Variants in SGK3 observed in about 807,000 individuals in gnomAD.
The protein encoded by SGK3 is serum/glucocorticoid regulated kinase family member 3, also known as serine/threonine-protein kinase Sgk3.
Under a neutral mutation model 68.5 loss-of-function variants are expected in SGK3, and 47 were observed. The observed-to-expected ratio is 0.69, with a 90% CI of 0.54 to 0.87. The LOEUF is 0.87. SGK3 is among the 40% of genes least tolerant of loss of function. The pLI is 0.00. For synonymous variants in SGK3, 181 were observed against 189.1 expected (o/e 0.96, Z 0.35); for missense variants, 479 against 575.5 (o/e 0.83, Z 1.72).
At chr8:66,758,345 C>T (rs1255287745) in intron 1 of SGK3, among the ~76,000 whole-genome samples, 1 of 152,012 alleles carries the variant, frequency 6.6e-6, no homozygotes, top group East Asian at 1.9e-4. Context: ...CAGAGTGAGA[C>T]TCTGTCTCAA....
At chr8:66,827,571 A>G (rs1041372400) in intron 6 of SGK3, among the ~76,000 whole-genome samples, 1 of 152,146 alleles carries the variant, frequency 6.6e-6, no homozygotes, top group Non-Finnish European at 1.5e-5. Context: ...AAGTTCATTT[A>G]TGTGAAGCAG....
Position 66,718,799 on chromosome 8 carries a change from A to C in SGK3, c.-122+5966A>C, listed in dbSNP as rs568843306. 2.0e-5 allele frequency among the ~76,000 whole-genome samples: 3 copies of C among 152,282 alleles called. No individual in the cohort carries two copies. In the East Asian group the frequency reaches 5.8e-4, roughly 29 times the overall value. ...CACCTCAGCTTCCCAAAGTGCTGGAATTACAGGTGTGTGCCACCGTGCCCG... is the reference window on the plus strand; with the variant it reads ...CACCTCAGCTTCCCAAAGTGCTGGACTTACAGGTGTGTGCCACCGTGCCCG... On this transcript the variant is annotated intron_variant, in intron 1 of 16. Coordinates refer to ENST00000521198, the MANE Select transcript of SGK3 (RefSeq NM_001033578.3).
intron 8 of SGK3, among the ~76,000 whole-genome samples, chr8:66,833,154 C>T (rs528538849): frequency 3.9e-5 from 6 of 152,092 alleles, no homozygotes; most frequent in South Asian, 2.1e-4. Context: ...TTCAGGCACA[C>T]GCCACCGTGT....
intron 4 of SGK3, among the ~76,000 whole-genome samples, chr8:66,808,199 C>T (rs1397687942): frequency 2.0e-5 from 3 of 152,098 alleles, no homozygotes; most frequent in African/African-American, 7.2e-5. Flanking sequence ...GAACCATGTA[C>T]TATTTTAAAC....
At chr8:66,801,916 A>T (rs896311961) in intron 3 of SGK3, among the ~76,000 whole-genome samples, 2 of 152,218 alleles carry the variant, frequency 1.3e-5, no homozygotes, top group Admixed American at 1.3e-4. Context: ...ATATTTGAGT[A>T]TCTGTAAGCA....
At position 66,843,449 on chromosome 8, in the gene SGK3, T is replaced by C; in HGVS notation, c.979-3T>C. On this transcript the variant is annotated splice_polypyrimidine_tract_variant and splice_region_variant and intron_variant, in intron 13 of 16. Coordinates refer to ENST00000521198, the MANE Select transcript of SGK3 (RefSeq NM_001033578.3). ...TGCTCTAATATTTTATTGTTTTCTA[T>C]AGTATCTTGCACCTGAAGTAATTAG... is the stretch of plus-strand genomic sequence containing the variant. 1 of 1,611,648 alleles carries C rather than the reference T, an allele frequency of 6.2e-7. No individual in the cohort carries two copies. The highest frequency in any genetic ancestry group is 8.5e-7 in the Non-Finnish European group (1 of 1,179,028).
At chr8:66,752,845 C>G (rs898495063) in intron 1 of SGK3, among the ~76,000 whole-genome samples, 1 of 151,826 alleles carries the variant, frequency 6.6e-6, no homozygotes, top group Non-Finnish European at 1.5e-5. Context: ...AGTGGGAAGT[C>G]ACAGGTTTCT....
chr8:66,798,454 A>AG, intron 2 of SGK3, 88 bp from the exon 3 acceptor site: 1 of 1,291,884 alleles, frequency 7.7e-7, no homozygotes. Flanking sequence ...AAAAAAAAAA[A>AG]AATTAAAACA....
intron 10 of SGK3, 23 bp from the exon 11 acceptor site, chr8:66,839,980 C>A (rs184129343): frequency 5.2e-5 from 83 of 1,604,356 alleles, no homozygotes; most frequent in East Asian, 8.9e-5. Flanking sequence ...TCTCTCCCCC[C>A]ACCCCCACAA....
At chr8:66,789,137 A>AC (rs397694159) in intron 1 of SGK3, among the ~76,000 whole-genome samples, 1 of 152,024 alleles carries the variant, frequency 6.6e-6, no homozygotes, top group African/African-American at 2.4e-5. Flanking sequence ...AAAAAAAAAA[A>AC]CACTACATTT....
At chr8:66,811,732 C>A (rs1808389385) in intron 4 of SGK3, among the ~76,000 whole-genome samples, 1 of 152,186 alleles carries the variant, frequency 6.6e-6, no homozygotes, top group South Asian at 2.1e-4. Flanking sequence ...CAGTAAGCAT[C>A]CACAGAACAA....
At chr8:66,845,993 T>G (rs1023772053) in intron 14 of SGK3, among the ~76,000 whole-genome samples, 2 of 152,084 alleles carry the variant, frequency 1.3e-5, no homozygotes, top group African/African-American at 2.4e-5. Context: ...TCATCTTATT[T>G]TATAAAAATA....
In SGK3 at chr8:66,738,686, G is replaced by A. The variant is rs534665365; in HGVS notation, c.-122+25853G>A. 2.0e-5 allele frequency among the ~76,000 whole-genome samples: 3 copies of A among 151,632 alleles called. No individual in the cohort carries two copies. The South Asian group carries it at 6.2e-4, about 31-fold the overall frequency. ...TCTGTCACCCAAGCTGGAGTTCAGTGGTGTGATCTCAGCTCACTGCAAGCT... is the reference window on the plus strand; with the variant it reads ...TCTGTCACCCAAGCTGGAGTTCAGTAGTGTGATCTCAGCTCACTGCAAGCT... On this transcript the variant is annotated intron_variant, in intron 1 of 16. Transcript: ENST00000521198.
rs1271841223 is a variant in SGK3, at chr8:66,715,734, A to G, written c.-122+2901A>G. Among the ~76,000 whole-genome samples the G allele has an allele frequency of 2.0e-5, 3 of 152,258 alleles. No individual in the cohort carries two copies. In the East Asian group the frequency reaches 5.8e-4, roughly 29 times the overall value. On this transcript the variant is annotated intron_variant, in intron 1 of 16. Coordinates refer to ENST00000521198, the MANE Select transcript of SGK3 (RefSeq NM_001033578.3). ...CCTCAACTATTTATATGCTTTAAGTATAGCCCTTGGTACCTAAAGTATGTG... is the reference window on the plus strand; with the variant it reads ...CCTCAACTATTTATATGCTTTAAGTGTAGCCCTTGGTACCTAAAGTATGTG...
In SGK3 at chr8:66,793,822, A is replaced by G; in HGVS notation, c.86A>G (p.Lys29Arg). 6.2e-7 allele frequency: 1 copy of G among 1,612,552 alleles called. No individual in the cohort carries two copies. Among genetic ancestry groups the G allele is most frequent in the Non-Finnish European group, 8.5e-7 (1 of 1,179,002 alleles). The change falls in exon 2 of 17, where the codon AAG (lysine) becomes AGG (arginine). Residue 29 changes from lysine to arginine, a missense_variant. Coordinates refer to ENST00000521198, the MANE Select transcript of SGK3 (RefSeq NM_001033578.3). ...TCCGATGAACACAGAGAGAAAAAGAAGAGGTTTACTGTAAGTATTTAACAT... is the reference window on the plus strand; with the variant it reads ...TCCGATGAACACAGAGAGAAAAAGAGGAGGTTTACTGTAAGTATTTAACAT... Reference protein sequence around the residue: ...PSSDEHREKKKRFTVYKVLVS... With the variant: ...PSSDEHREKKRRFTVYKVLVS...
At chr8:66,715,695 A>G (rs964474076) in intron 1 of SGK3, among the ~76,000 whole-genome samples, 11 of 152,372 alleles carry the variant, frequency 7.2e-5, no homozygotes, top group African/African-American at 2.6e-4. Flanking sequence ...GTCTTTAAAA[A>G]CACACACAAA....
chr8:66,846,845 T>A (rs1383603165), intron 14 of SGK3, among the ~76,000 whole-genome samples: 1 of 152,244 alleles, frequency 6.6e-6, no homozygotes, highest in Non-Finnish European at 1.5e-5. Context: ...TAATGTTTGA[T>A]CTGTCTTGAA....
chr8:66,733,043 C>T (rs1308807574), intron 1 of SGK3, among the ~76,000 whole-genome samples: 1 of 152,106 alleles, frequency 6.6e-6, no homozygotes, highest in African/African-American at 2.4e-5. Context: ...AGGAAAAATT[C>T]TACGAAGTGT....
intron 7 of SGK3, among the ~76,000 whole-genome samples, chr8:66,829,828 G>T (rs1809227034): frequency 1.3e-5 from 2 of 149,364 alleles, no homozygotes; most frequent in Non-Finnish European, 3.0e-5. Flanking sequence ...CTTTTCTGTT[G>T]TTCATAGCAT....
Sources: gnomAD v4.1 joint callset for allele counts (sites outside exome capture counted in the v4.1 genomes callset) on GRCh38, gnomAD v4.1.1 for gene constraint, MANE v1.5 for transcripts, NCBI Gene and HGNC (gene_info 2026-07-23, HGNC 2026-07-21) for gene names.